CDKAL1: variants seen among roughly 807,000 people sequenced by gnomAD.
CDKAL1 encodes threonylcarbamoyladenosine tRNA methylthiotransferase.
Under a neutral mutation model 68.2 loss-of-function variants are expected in CDKAL1, and 32 were observed. The ratio of observed to expected loss-of-function variants is 0.47; its 90% CI spans 0.35 to 0.63. The LOEUF (loss-of-function observed/expected upper bound fraction) is 0.63. CDKAL1 is among the 30% of genes least tolerant of loss of function. The pLI, the probability that CDKAL1 is intolerant of heterozygous loss-of-function variation, is 0.00. For missense variants in CDKAL1, 606 were observed against 696.7 expected (o/e 0.87, Z 1.47); for synonymous variants, 234 against 244.3 (o/e 0.96, Z 0.39).
At chr6:20,815,892 TG>T (rs1280223531) in intron 8 of CDKAL1, among the ~76,000 whole-genome samples, 1 of 152,188 alleles carries the variant, frequency 6.6e-6, no homozygotes, top group Admixed American at 6.5e-5. Flanking sequence ...TATCACAACC[TG>T]GGTGGTTTAA....
rs10708944 is a variant in CDKAL1, at chr6:21,130,221, C to CTT, written c.1299+21777_1299+21778dup. ...CTGCCTTGTAGCAAATTGGACCTAA[C>CTT]TTTTTTTTTTTTTTTTTTTTGAGAT... On this transcript the variant is annotated intron_variant, in intron 13 of 15. Coordinates refer to ENST00000274695, the MANE Select transcript of CDKAL1 (RefSeq NM_017774.3). 8.4e-3 allele frequency among the ~76,000 whole-genome samples: 967 copies of CTT among 115,570 alleles called. 31 individuals carry two copies. Among genetic ancestry groups the CTT allele is most frequent in the Middle Eastern group, 0.019 (4 of 206 alleles). 75.8% of individuals were successfully genotyped at this position (115,570 alleles called of 152,430 possible). A position where few individuals can be genotyped will look rare whatever the true frequency, so the allele number is the denominator to read the frequency against.
In CDKAL1 at chr6:21,069,804, T is replaced by TTAA. The variant is rs60342057; in HGVS notation, c.1236+4576_1236+4577insTAA. ...TTTTTTTTTTTTTTTTTTTTTTTTT[T>TTAA]AAAACAGAGCCTTGCTCTGTCACCC... On this transcript the variant is annotated intron_variant, in intron 12 of 15. Coordinates refer to ENST00000274695, the MANE Select transcript of CDKAL1 (RefSeq NM_017774.3). Among the ~76,000 whole-genome samples, 54 of 85,510 alleles carry TTAA rather than the reference T, an allele frequency of 6.3e-4. 2 individuals carry two copies. The highest frequency in any genetic ancestry group is 1.3e-3 in the South Asian group (3 of 2,280). 56.1% of individuals were successfully genotyped at this position (85,510 alleles called of 152,430 possible).
Position 20,768,186 on chromosome 6 carries a change from CTA to C in CDKAL1, c.517+9545_517+9546del, listed in dbSNP as rs1774782264. Among the ~76,000 whole-genome samples the C allele has an allele frequency of 2.0e-5, 3 of 152,274 alleles. No homozygotes were observed. In the South Asian group the frequency reaches 6.2e-4, roughly 32 times the overall value. Reference sequence around the variant, plus strand: ...GACAGGTGAGAGTCCTTGATTGAGACTATGAAGAGCTGTGTGCAAATGCTTGT... The same window carrying C: ...GACAGGTGAGAGTCCTTGATTGAGACTGAAGAGCTGTGTGCAAATGCTTGT... On this transcript the variant is annotated intron_variant, in intron 7 of 15. Coordinates refer to ENST00000274695, the MANE Select transcript of CDKAL1 (RefSeq NM_017774.3).
At chr6:20,621,244 G>C (rs909872639) in intron 4 of CDKAL1, among the ~76,000 whole-genome samples, 20 of 152,122 alleles carry the variant, frequency 1.3e-4, no homozygotes, top group Admixed American at 1.1e-3. Context: ...ATGTTCCTCT[G>C]TTAGAATATA....
intron 4 of CDKAL1, among the ~76,000 whole-genome samples, chr6:20,619,908 A>G (rs1767099752): frequency 6.6e-6 from 1 of 152,226 alleles, no homozygotes; most frequent in Non-Finnish European, 1.5e-5. Flanking sequence ...TGACTTGGAA[A>G]GGTTATAGCA....
At chr6:20,658,732 A>C (rs1440901809) in intron 5 of CDKAL1, among the ~76,000 whole-genome samples, 2 of 152,228 alleles carry the variant, frequency 1.3e-5, no homozygotes, top group East Asian at 3.8e-4. Flanking sequence ...ATCCAGTTTA[A>C]AAGAATTAAA....
At chr6:21,227,125 G>A (rs1779780051) in intron 15 of CDKAL1, among the ~76,000 whole-genome samples, 1 of 152,216 alleles carries the variant, frequency 6.6e-6, no homozygotes, top group Non-Finnish European at 1.5e-5. Context: ...AAGGTTTAGG[G>A]AAGGTCTGAG....
intron 9 of CDKAL1, among the ~76,000 whole-genome samples, chr6:20,906,488 A>C (rs553253206): frequency 6.6e-6 from 1 of 152,196 alleles, no homozygotes; most frequent in Non-Finnish European, 1.5e-5. Context: ...CTACTTCCCA[A>C]TAAACCCATT....
chr6:20,845,080 G>A (rs1459735328), intron 8 of CDKAL1, among the ~76,000 whole-genome samples: 9 of 152,190 alleles, frequency 5.9e-5, no homozygotes, highest in Admixed American at 5.9e-4. Flanking sequence ...GCTGAGTACA[G>A]TGATTCATAT....
At chr6:21,178,282 G>A (rs1777663963) in intron 13 of CDKAL1, among the ~76,000 whole-genome samples, 1 of 151,994 alleles carries the variant, frequency 6.6e-6, no homozygotes, top group Admixed American at 6.6e-5. Flanking sequence ...TATATGATGG[G>A]GGTTACATAT....
At chr6:20,877,395 T>C (rs1440962928) in intron 9 of CDKAL1, among the ~76,000 whole-genome samples, 1 of 152,234 alleles carries the variant, frequency 6.6e-6, no homozygotes, top group Non-Finnish European at 1.5e-5. Flanking sequence ...TTTCAGATCC[T>C]CACTTTGTCC....
chr6:20,798,828 G>A (rs1363635365), intron 8 of CDKAL1, among the ~76,000 whole-genome samples: 1 of 149,488 alleles, frequency 6.7e-6, no homozygotes, highest in Non-Finnish European at 1.5e-5. Context: ...CGAGTTAATG[G>A]GTGCAGCACA....
At chr6:20,899,095 T>C (rs1761841520) in intron 9 of CDKAL1, among the ~76,000 whole-genome samples, 1 of 147,814 alleles carries the variant, frequency 6.8e-6, no homozygotes, top group South Asian at 2.1e-4. Context: ...GATGGAGTCT[T>C]GCTCTGTCGC....
At position 21,130,797 on chromosome 6, in the gene CDKAL1, C is replaced by T. The variant is rs142078746; in HGVS notation, c.1299+22334C>T. On this transcript the variant is annotated intron_variant, in intron 13 of 15. Transcript: ENST00000274695. ...CACCCTGGTCCCAAGGCAGACCCCTCCACAGCCATCGCCCAAAGAGTACAG... is the reference window on the plus strand; with the variant it reads ...CACCCTGGTCCCAAGGCAGACCCCTTCACAGCCATCGCCCAAAGAGTACAG... Among the ~76,000 whole-genome samples, 60 of 152,322 alleles carry T rather than the reference C, an allele frequency of 3.9e-4. No homozygotes were observed. In the East Asian group the frequency reaches 9.9e-3, roughly 25 times the overall value.
chr6:20,605,813 G>T (rs751526280), intron 4 of CDKAL1, among the ~76,000 whole-genome samples: 1 of 152,174 alleles, frequency 6.6e-6, no homozygotes, highest in African/African-American at 2.4e-5. Context: ...TCTGGGCGCC[G>T]TTACTCCATT....
intron 11 of CDKAL1, among the ~76,000 whole-genome samples, chr6:21,029,631 A>G (rs930144236): frequency 6.6e-6 from 1 of 152,218 alleles, no homozygotes; most frequent in African/African-American, 2.4e-5. Flanking sequence ...AAACAAATTT[A>G]CAAGAAAAAA....
intron 10 of CDKAL1, among the ~76,000 whole-genome samples, chr6:20,963,775 A>G (rs1765169028): frequency 2.0e-5 from 3 of 152,218 alleles, no homozygotes; most frequent in Non-Finnish European, 2.9e-5. Context: ...AATAATTTAT[A>G]CAGAGACCTA....
At chr6:20,567,236 C>A (rs538077234) in intron 4 of CDKAL1, among the ~76,000 whole-genome samples, 1 of 148,298 alleles carries the variant, frequency 6.7e-6, no homozygotes, top group Non-Finnish European at 1.5e-5. Context: ...GCAAAGACCA[C>A]GATTACTTTT....
In CDKAL1 at chr6:21,195,932, C is replaced by T. The variant is rs529802188; in HGVS notation, c.1300-2089C>T. ...TGCCACTATGAATTAGTGCACATTG[C>T]GGTTCTCCTGAGTCTCTTTGGCAAA... On this transcript the variant is annotated intron_variant, in intron 13 of 15. Coordinates refer to ENST00000274695, the MANE Select transcript of CDKAL1 (RefSeq NM_017774.3). Among the ~76,000 whole-genome samples, 5 of 152,214 alleles carry T rather than the reference C, an allele frequency of 3.3e-5. No homozygotes were observed. In the South Asian group the frequency reaches 1.0e-3, roughly 32 times the overall value.
Sources: gnomAD v4.1 joint callset for allele counts (sites outside exome capture counted in the v4.1 genomes callset) on GRCh38, gnomAD v4.1.1 for gene constraint, MANE v1.5 for transcripts, NCBI Gene and HGNC (gene_info 2026-07-23, HGNC 2026-07-21) for gene names.